The following RNF111 variants were observed in gnomAD, a reference collection of about 807,000 sequenced individuals.
RNF111 encodes the protein ring finger protein 111, also known as E3 ubiquitin-protein ligase Arkadia.
In RNF111, 17 loss-of-function variants were observed where a neutral mutation model predicts 95.1. The observed-to-expected ratio is 0.18, with a 90% CI of 0.12 to 0.27. The LOEUF (loss-of-function observed/expected upper bound fraction) is 0.27, where lower values mean the gene tolerates loss of function less well. RNF111 is among the 10% of genes least tolerant of loss of function. RNF111 has a pLI of 1.00. For synonymous variants in RNF111, 440 were observed against 414.8 expected (o/e 1.06, Z -0.74); for missense variants, 1,189 against 1,210.4 (o/e 0.98, Z 0.26).
intron 4 of RNF111, among the ~76,000 whole-genome samples, chr15:59,056,178 A>G (rs575954070): frequency 3.9e-5 from 6 of 152,344 alleles, no homozygotes; most frequent in African/African-American, 1.2e-4. Flanking sequence ...GTACTTTTTA[A>G]ATATAAACAC....
In RNF111 at chr15:59,095,092, C is replaced by CT; in HGVS notation, c.*200dup. 5.7e-5 allele frequency: 29 copies of CT among 507,202 alleles called. No homozygotes were observed. The highest frequency in any genetic ancestry group is 1.2e-4 in the South Asian group (5 of 42,116). The allele number at this position is 507,202 out of a possible 1,614,324, so 31.4% of individuals were successfully genotyped here. ...GTTGATTTTGATGTATTTATAAAAG[C>CT]TTTTTTTTCTAGATTTGACATTTTT... On this transcript the variant is annotated 3_prime_UTR_variant, in exon 14 of 14. Coordinates refer to ENST00000348370, the MANE Select transcript of RNF111 (RefSeq NM_017610.8).
At chr15:59,039,041 C>T (rs138945924) in intron 2 of RNF111, among the ~76,000 whole-genome samples, 5,615 of 152,102 alleles carry the variant, frequency 0.037, 137 homozygotes, top group Non-Finnish European at 0.056. Context: ...CTCAGCTCAC[C>T]GCAACCTCTG....
intron 2 of RNF111, chr15:59,050,399 T>C (rs986673082): frequency 3.3e-5 from 5 of 152,696 alleles, no homozygotes; most frequent in Admixed American, 2.6e-4. Flanking sequence ...TGGTGAATTA[T>C]TGGAAGATGG....
intron 5 of RNF111, among the ~76,000 whole-genome samples, chr15:59,059,470 T>C (rs2042342178): frequency 6.6e-6 from 1 of 152,206 alleles, no homozygotes; most frequent in Admixed American, 6.5e-5. Context: ...AAAGTTAAAA[T>C]AGAGTTACCA....
At chr15:59,001,459 T>C (rs2069297048) in intron 1 of RNF111, among the ~76,000 whole-genome samples, 1 of 152,174 alleles carries the variant, frequency 6.6e-6, no homozygotes, top group South Asian at 2.1e-4. Context: ...ACTATCAGTT[T>C]AGTGGGGATT....
intron 1 of RNF111, among the ~76,000 whole-genome samples, chr15:59,025,838 C>T (rs1342849127): frequency 2.6e-5 from 4 of 151,956 alleles, no homozygotes; most frequent in Non-Finnish European, 5.9e-5. Flanking sequence ...TCAAGCGATT[C>T]TCCTGCCTCA....
In RNF111 at chr15:59,016,966, A is replaced by G. The variant is rs566680116; in HGVS notation, c.-19-13838A>G. Among the ~76,000 whole-genome samples, 76 of 151,932 alleles carry G rather than the reference A, an allele frequency of 5.0e-4. 3 individuals are homozygous for G. The highest frequency in any genetic ancestry group is 7.2e-4 in the Admixed American group (11 of 15,192). On this transcript the variant is annotated intron_variant, in intron 1 of 13. Transcript: ENST00000348370. ...GCTCCTTACGAGAATCTAATGCCTG[A>G]TGATCTGTCACTGTCTCCCATCACC...
intron 3 of RNF111, among the ~76,000 whole-genome samples, chr15:59,054,136 A>G (rs529623429): frequency 3.3e-5 from 5 of 152,148 alleles, no homozygotes; most frequent in African/African-American, 1.2e-4. Flanking sequence ...ACGGGGTTTC[A>G]GCATATTAGC....
chr15:59,045,807 A>G (rs534467789), intron 2 of RNF111, among the ~76,000 whole-genome samples: 1 of 152,344 alleles, frequency 6.6e-6, no homozygotes, highest in South Asian at 2.1e-4. Flanking sequence ...TTGTACTTCT[A>G]CCTTAAGCTG....
At chr15:59,070,276 G>T (rs960941329) in intron 6 of RNF111, among the ~76,000 whole-genome samples, 1 of 151,868 alleles carries the variant, frequency 6.6e-6, no homozygotes, top group Non-Finnish European at 1.5e-5. Context: ...TCGGGAATAA[G>T]AATTGAATGA....
At chr15:59,085,868 A>G (rs2078883520) in intron 10 of RNF111, 83 bp downstream of exon 10, 1 of 1,128,560 alleles carries the variant, frequency 8.9e-7, no homozygotes, top group Non-Finnish European at 1.2e-6. Flanking sequence ...TCACTATATT[A>G]ATATAGATGT....
At chr15:59,092,882 G>GC (rs2140254697) in intron 13 of RNF111, among the ~76,000 whole-genome samples, 1 of 152,246 alleles carries the variant, frequency 6.6e-6, no homozygotes, top group African/African-American at 2.4e-5. Flanking sequence ...CACCTGCAGT[G>GC]CCAGCTACTC....
chr15:59,049,903 G>A (rs530175485), intron 2 of RNF111, among the ~76,000 whole-genome samples: 4 of 150,280 alleles, frequency 2.7e-5, no homozygotes, highest in Admixed American at 6.6e-5. Flanking sequence ...CACCACACCC[G>A]GCTAATTTTT....
At chr15:59,005,174 G>T (rs933058557) in intron 1 of RNF111, among the ~76,000 whole-genome samples, 6 of 152,024 alleles carry the variant, frequency 3.9e-5, no homozygotes. Flanking sequence ...TACAACTCAA[G>T]TTCTCTTTCT....
chr15:59,029,978 CATTTT>C (rs771469841), intron 1 of RNF111, among the ~76,000 whole-genome samples: 3 of 152,112 alleles, frequency 2.0e-5, no homozygotes, highest in Non-Finnish European at 4.4e-5. Context: ...TAATATATTT[CATTTT>C]GAGTCATGAT....
chr15:59,008,457 ATCC>A (rs1267475561), intron 1 of RNF111, among the ~76,000 whole-genome samples: 1 of 152,144 alleles, frequency 6.6e-6, no homozygotes, highest in Non-Finnish European at 1.5e-5. Context: ...AGCTCAAGCA[ATCC>A]TCCTGCGTCA....
chr15:59,076,224 A>G lies in RNF111; in HGVS notation c.1948+9A>G. 6.2e-7 allele frequency: 1 copy of G among 1,609,342 alleles called. No individual in the cohort carries two copies. Among genetic ancestry groups the G allele is most frequent in the Non-Finnish European group, 8.5e-7 (1 of 1,177,176 alleles). ...TTACATGCCACCCCCTTGTAAGTAT[A>G]TACTTAGTGGACACAAAATCTAGAG... On this transcript the variant is annotated intron_variant, in intron 7 of 13. Coordinates refer to ENST00000348370, the MANE Select transcript of RNF111 (RefSeq NM_017610.8).
chr15:59,017,632 A>G (rs2040129505), intron 1 of RNF111, among the ~76,000 whole-genome samples: 1 of 152,198 alleles, frequency 6.6e-6, no homozygotes, highest in Non-Finnish European at 1.5e-5. Context: ...AATAACAGAA[A>G]TCTCTAAGAG....
chr15:59,017,047 A>G (rs1188724275), intron 1 of RNF111, among the ~76,000 whole-genome samples: 1 of 151,846 alleles, frequency 6.6e-6, no homozygotes, highest in South Asian at 2.1e-4. Flanking sequence ...CACTGATTCT[A>G]TATTACGGTG....
Sources: gnomAD v4.1 joint callset for allele counts (sites outside exome capture counted in the v4.1 genomes callset) on GRCh38, gnomAD v4.1.1 for gene constraint, MANE v1.5 for transcripts, NCBI Gene and HGNC (gene_info 2026-07-23, HGNC 2026-07-21) for gene names.